PDE4B: variants seen among roughly 807,000 people sequenced by gnomAD.
PDE4B encodes the protein phosphodiesterase 4B.
A neutral mutation model predicts 82.2 loss-of-function variants in PDE4B; 20 were observed. The ratio of observed to expected loss-of-function variants is 0.24; its 90% CI spans 0.17 to 0.35. The LOEUF (loss-of-function observed/expected upper bound fraction) is 0.35. Ranked by LOEUF, PDE4B falls within the 10% of genes least tolerant of loss-of-function variation. The probability of loss-of-function intolerance (pLI) is 1.00; values close to 1 mark genes in which losing one functional copy is unlikely to be tolerated. For missense variants in PDE4B, 655 were observed against 907.2 expected (o/e 0.72, Z 3.57); for synonymous variants, 320 against 318.9 (o/e 1.00, Z -0.04).
At position 66,327,852 on chromosome 1, in the gene PDE4B, G is replaced by A. The variant is rs186588322; in HGVS notation, c.635-4656G>A. On this transcript the variant is annotated intron_variant, in intron 7 of 16. Transcript: ENST00000341517. ...TTAAATGGAAGAGATCCGAGGGTAA[G>A]ATGCAACTTTAAATGCAGCATTTTC... Among the ~76,000 whole-genome samples the A allele has an allele frequency of 1.6e-4, 25 of 152,332 alleles. No individual in the cohort carries two copies. The East Asian group carries it at 4.4e-3, about 27-fold the overall frequency.
At chr1:66,065,935 CA>C (rs1655823957) in intron 3 of PDE4B, among the ~76,000 whole-genome samples, 1 of 151,632 alleles carries the variant, frequency 6.6e-6, no homozygotes, top group African/African-American at 2.4e-5. Flanking sequence ...AACCGTAGTA[CA>C]AAAAGGCTTA....
intron 3 of PDE4B, among the ~76,000 whole-genome samples, chr1:65,927,963 A>C (rs1167210656): frequency 6.6e-6 from 1 of 151,760 alleles, no homozygotes; most frequent in East Asian, 1.9e-4. Flanking sequence ...TAATTACCTG[A>C]CCTCCATAAG....
intron 3 of PDE4B, among the ~76,000 whole-genome samples, chr1:65,944,579 C>A (rs1464340461): frequency 6.6e-6 from 1 of 151,890 alleles, no homozygotes. Flanking sequence ...GAAATGGAAT[C>A]CACAAATGAG....
In PDE4B at chr1:66,366,114, C is replaced by T. The variant is rs117116187; in HGVS notation, c.1384+348C>T. On this transcript the variant is annotated intron_variant, in intron 13 of 16. Transcript: ENST00000341517. Reference sequence around the variant, plus strand: ...GACTTTTTATATTATGCAAAACTCTCGCACAGAGCATAGTAACTCACTACT... The same window carrying T: ...GACTTTTTATATTATGCAAAACTCTTGCACAGAGCATAGTAACTCACTACT... Among the ~76,000 whole-genome samples, 1,028 of 152,210 alleles carry T rather than the reference C, an allele frequency of 6.8e-3. 24 individuals are homozygous for T. Among genetic ancestry groups the T allele is most frequent in the Admixed American group, 0.042 (649 of 15,274 alleles).
At chr1:66,369,158 A>G (rs1663481249) in intron 16 of PDE4B, among the ~76,000 whole-genome samples, 189 bp downstream of exon 16, 1 of 152,162 alleles carries the variant, frequency 6.6e-6, no homozygotes, top group Non-Finnish European at 1.5e-5. Context: ...CAGGGTGGGG[A>G]AAAGTAGTCA....
At chr1:66,116,111 C>G (rs867333798) in intron 3 of PDE4B, among the ~76,000 whole-genome samples, 10 of 152,218 alleles carry the variant, frequency 6.6e-5, no homozygotes, top group African/African-American at 2.4e-4. Context: ...GCAGTTCGTT[C>G]TTAACCTACT....
intron 3 of PDE4B, among the ~76,000 whole-genome samples, chr1:66,189,258 C>T (rs955337161): frequency 2.0e-5 from 3 of 151,928 alleles, no homozygotes. Flanking sequence ...CTCTGGCTGC[C>T]CTTAACATTT....
At chr1:65,924,689 A>C (rs1050998543) in intron 3 of PDE4B, among the ~76,000 whole-genome samples, 1 of 152,200 alleles carries the variant, frequency 6.6e-6, no homozygotes, top group African/African-American at 2.4e-5. Flanking sequence ...GTAGTCATGC[A>C]TATGGGTGGA....
chr1:66,223,334 C>G (rs1651155022), intron 3 of PDE4B, among the ~76,000 whole-genome samples: 1 of 152,146 alleles, frequency 6.6e-6, no homozygotes, highest in African/African-American at 2.4e-5. Context: ...AACAAACAGC[C>G]TACAGGACCT....
rs1196505650 is a variant in PDE4B, at chr1:65,793,000, C to T, written c.-319C>T. ...CCCGTCCGCGCGCGCGCCCCCGGCC[C>T]GCGCGCCCCTTCCCGGGGCTCCTGG... is the stretch of plus-strand genomic sequence containing the variant. On this transcript the variant is annotated 5_prime_UTR_variant, in exon 1 of 17. Coordinates refer to ENST00000341517, the MANE Select transcript of PDE4B (RefSeq NM_002600.4). Among the ~76,000 whole-genome samples, 3 of 151,750 alleles carry T rather than the reference C, an allele frequency of 2.0e-5. No individual in the cohort carries two copies. The highest frequency in any genetic ancestry group is 2.1e-4 in the South Asian group (1 of 4,830).
intron 1 of PDE4B, among the ~76,000 whole-genome samples, chr1:65,823,324 A>G (rs1488955933): frequency 6.8e-6 from 1 of 147,010 alleles, no homozygotes; most frequent in Admixed American, 7.0e-5. Flanking sequence ...TGAACCCAGG[A>G]GGCAGAAGTT....
intron 7 of PDE4B, among the ~76,000 whole-genome samples, chr1:66,307,000 G>A (rs1036686686): frequency 1.3e-5 from 2 of 152,076 alleles, no homozygotes; most frequent in Non-Finnish European, 1.5e-5. Flanking sequence ...TGTGGTAGCC[G>A]AAATAGACGT....
At chr1:66,070,117 C>G (rs1034296585) in intron 3 of PDE4B, among the ~76,000 whole-genome samples, 1 of 152,002 alleles carries the variant, frequency 6.6e-6, no homozygotes, top group Non-Finnish European at 1.5e-5. Context: ...TACACTTTTA[C>G]AAGGCTCTGA....
At chr1:65,995,544 C>T (rs535982361) in intron 3 of PDE4B, among the ~76,000 whole-genome samples, 58 of 152,282 alleles carry the variant, frequency 3.8e-4, no homozygotes, top group Admixed American at 2.5e-3. Flanking sequence ...ATGGTCTGCT[C>T]TACCTCCTGT....
At chr1:66,025,360 G>A (rs1653377748) in intron 3 of PDE4B, among the ~76,000 whole-genome samples, 1 of 152,022 alleles carries the variant, frequency 6.6e-6, no homozygotes, top group Non-Finnish European at 1.5e-5. Flanking sequence ...GGATAAAAAG[G>A]AGAAGTTTGA....
intron 1 of PDE4B, among the ~76,000 whole-genome samples, chr1:65,886,616 T>C (rs772870840): frequency 1.3e-5 from 2 of 152,188 alleles, no homozygotes; most frequent in Non-Finnish European, 2.9e-5. Context: ...GGTTCTTACA[T>C]GAGTGAGAAT....
intron 3 of PDE4B, among the ~76,000 whole-genome samples, chr1:65,996,620 C>A (rs1292670164): frequency 6.6e-6 from 1 of 152,106 alleles, no homozygotes; most frequent in Non-Finnish European, 1.5e-5. Flanking sequence ...AATTCATGAT[C>A]CTTTCAATAT....
intron 7 of PDE4B, among the ~76,000 whole-genome samples, chr1:66,281,237 T>C (rs1215284997): frequency 6.6e-6 from 1 of 152,256 alleles, no homozygotes; most frequent in African/African-American, 2.4e-5. Context: ...TGTTGATGGA[T>C]TACTTATTGC....
At chr1:66,371,995 C>T (rs2050798956) in intron 16 of PDE4B, among the ~76,000 whole-genome samples, 1 of 152,196 alleles carries the variant, frequency 6.6e-6, no homozygotes, top group Non-Finnish European at 1.5e-5. Flanking sequence ...GCTTTGGAAT[C>T]AGATGAAGCT....
Sources: gnomAD v4.1 joint callset for allele counts (sites outside exome capture counted in the v4.1 genomes callset) on GRCh38, gnomAD v4.1.1 for gene constraint, MANE v1.5 for transcripts, NCBI Gene and HGNC (gene_info 2026-07-23, HGNC 2026-07-21) for gene names.